ZDBF2: variants seen among roughly 807,000 people sequenced by gnomAD.
ZDBF2 encodes DBF4-type zinc finger-containing protein 2.
In ZDBF2, 6 loss-of-function variants were observed where a neutral mutation model predicts 9.4. That is an observed-to-expected ratio of 0.64 (90% CI 0.35 to 1.27). The LOEUF is 1.27. Ranked by LOEUF, ZDBF2 falls within the 50% of genes most tolerant of loss-of-function variation. The pLI is 0.03. For synonymous variants in ZDBF2, 905 were observed against 946.3 expected, an observed-to-expected ratio of 0.96 and a Z score of 0.80; for missense variants, 2,697 against 2,766.8, an observed-to-expected ratio of 0.97 and a Z score of 0.57.
At chr2:206,275,798 T>G (rs1690967465) in intron 1 of ZDBF2, among the ~76,000 whole-genome samples, 1 of 152,218 alleles carries the variant, frequency 6.6e-6, no homozygotes, top group South Asian at 2.1e-4. Context: ...TTCCTTCCTT[T>G]TTAATTAATA....
chr2:206,304,686 A>G, intron 4 of ZDBF2, 31 bp from the exon 5 acceptor site: 2 of 1,559,868 alleles, frequency 1.3e-6, no homozygotes, highest in Non-Finnish European at 1.7e-6. Flanking sequence ...ACATTAGAAT[A>G]TGTTTATGAG....
rs567843569 is a variant in ZDBF2, at chr2:206,309,219, A to T, written c.4691A>T (p.Asn1564Ile). The T allele has an allele frequency of 6.2e-7, 1 of 1,606,948 alleles. No homozygotes were observed. Among genetic ancestry groups the T allele is most frequent in the African/African-American group, 1.3e-5 (1 of 74,962 alleles). Reference sequence around the variant, plus strand: ...ACTGTCAAAGATATCAGCTGTATAAATACAGAATGTATTGATATAGAAGAT... The same window carrying T: ...ACTGTCAAAGATATCAGCTGTATAATTACAGAATGTATTGATATAGAAGAT... ...QLTVKDISCI[N>I]TECIDIEDKS... The change falls in exon 5 of 5, where the codon AAT becomes ATT. Residue 1564 changes from asparagine (N) to isoleucine (I), a missense_variant. Coordinates refer to ENST00000374423, the MANE Select transcript of ZDBF2 (RefSeq NM_020923.3).
Position 206,306,992 on chromosome 2 carries a change from A to G in ZDBF2, c.2464A>G (p.Asn822Asp). 6.2e-7 allele frequency: 1 copy of G among 1,613,726 alleles called. No homozygotes were observed. The highest frequency in any genetic ancestry group is 8.5e-7 in the Non-Finnish European group (1 of 1,179,756). Reference protein sequence around the residue: ...EETVDLESKSNESCVSEITFD... With the variant: ...EETVDLESKSDESCVSEITFD... ...AACTGTTGATCTGGAAAGTAAAAGT[A>G]ATGAATCTTGTGTCTCTGAAATAAC... Residue 822 changes from asparagine (N) to aspartate (D), a missense_variant, in exon 5 of 5, where the codon AAT (asparagine) becomes GAT (aspartate). This residue lies in a region of ZDBF2 where 910 missense variants were observed against 973.6 expected (regional missense o/e 0.93). Coordinates refer to ENST00000374423, the MANE Select transcript of ZDBF2 (RefSeq NM_020923.3).
chr2:206,309,786 C>T lies in ZDBF2; in HGVS notation c.5258C>T (p.Ala1753Val), dbSNP rs1225580398. The change falls in exon 5 of 5, where the codon GCT (alanine) becomes GTT (valine). Residue 1753 changes from alanine to valine, a missense_variant. Ala to Val is a moderately conservative substitution (Grantham distance 64). This residue lies in a region of ZDBF2 where 1,783 missense variants were observed against 1,776.5 expected (regional missense o/e 1.00). Coordinates refer to ENST00000374423, the MANE Select transcript of ZDBF2 (RefSeq NM_020923.3). ...GGTTTTGAGATGAATTTTCAGTGTG[C>T]TCCCCCTCTTCCATCTGATACTGAT... ...PDGFEMNFQC[A>V]PPLPSDTDQP... is the part of the protein sequence containing the mutation. 6.2e-7 allele frequency: 1 copy of T among 1,613,888 alleles called. No individual in the cohort carries two copies. The highest frequency in any genetic ancestry group is 1.3e-5 in the African/African-American group (1 of 75,026).
chr2:206,300,273 T>C (rs1404996939), intron 4 of ZDBF2, among the ~76,000 whole-genome samples: 2 of 152,216 alleles, frequency 1.3e-5, no homozygotes, highest in African/African-American at 4.8e-5. Flanking sequence ...TCTTAACTCA[T>C]GTCCATTTCT....
chr2:206,310,429 A>G lies in ZDBF2; in HGVS notation c.5901A>G (p.Pro1967=), dbSNP rs1559161708. 1 of 1,614,006 alleles carries G rather than the reference A, an allele frequency of 6.2e-7. No homozygotes were observed. The highest frequency in any genetic ancestry group is 8.5e-7 in the Non-Finnish European group (1 of 1,179,888). ...KRKIIRQEED[P]PKSKCSRLQD... The stretch of plus-strand genomic sequence containing the variant: ...AAATAATTAGACAAGAGGAAGACCC[A>G]CCAAAAAGTAAGTGTTCACGTTTAC... The change falls in exon 5 of 5, where the codon CCA becomes CCG. Residue 1967 remains proline (P), a synonymous_variant. Coordinates refer to ENST00000374423, the MANE Select transcript of ZDBF2 (RefSeq NM_020923.3).
intron 3 of ZDBF2, among the ~76,000 whole-genome samples, chr2:206,289,296 T>C (rs915648712): frequency 2.6e-5 from 4 of 152,182 alleles, no homozygotes; most frequent in African/African-American, 7.2e-5. Flanking sequence ...AGCTTAGGTA[T>C]TGGGGTGTGT....
At position 206,310,171 on chromosome 2, in the gene ZDBF2, G is replaced by C; in HGVS notation, c.5643G>C (p.Leu1881Phe). Residue 1881 changes from leucine to phenylalanine, a missense_variant, in exon 5 of 5, where the codon TTG becomes TTC. By Grantham distance (22) the Leu-to-Phe change is conservative (BLOSUM62 0). Transcript: ENST00000374423. Reference protein sequence around the residue: ...KGKKKVTWADLQGKEDTAPTQ... With the variant: ...KGKKKVTWADFQGKEDTAPTQ... ...AAAAAAAGGTTACCTGGGCTGACTT[G>C]CAAGGTAAGGAGGACACTGCACCAA... is the stretch of plus-strand genomic sequence containing the variant. The C allele has an allele frequency of 6.2e-7, 1 of 1,613,846 alleles. No individual in the cohort carries two copies.
rs1316053708 is a variant in ZDBF2 at position 206,307,799 on chromosome 2, G to A, written c.3271G>A (p.Val1091Ile). The part of the protein sequence containing the change: ...TFDSEQLQEA[V>I]KKIDQWKEEV... ...TGATTCTGAACAACTTCAGGAAGCGGTTAAAAAAATAGACCAATGGAAGGA... is the reference window on the plus strand; with the variant it reads ...TGATTCTGAACAACTTCAGGAAGCGATTAAAAAAATAGACCAATGGAAGGA... Residue 1091 changes from valine (V) to isoleucine (I), a missense_variant, in exon 5 of 5, where the codon GTT becomes ATT. By Grantham distance (29) the Val-to-Ile change is conservative. Transcript: ENST00000374423. 4 of 1,610,008 alleles carry A rather than the reference G, an allele frequency of 2.5e-6. No homozygotes were observed. In the Admixed American group the frequency reaches 5.1e-5, roughly 20 times the overall value.
At chr2:206,283,437 G>T (rs1691433668) in intron 3 of ZDBF2, among the ~76,000 whole-genome samples, 1 of 151,998 alleles carries the variant, frequency 6.6e-6, no homozygotes, top group South Asian at 2.1e-4. Context: ...ATGTGAGATG[G>T]TATCTCATTT....
At position 206,307,779 on chromosome 2, in the gene ZDBF2, C is replaced by G. The variant is rs368710532; in HGVS notation, c.3251C>G (p.Ser1084Cys). The G allele has an allele frequency of 6.2e-7, 1 of 1,610,368 alleles. No individual in the cohort carries two copies. The highest frequency in any genetic ancestry group is 8.5e-7 in the Non-Finnish European group (1 of 1,179,076). Residue 1084 changes from serine (S) to cysteine (C), a missense_variant, in exon 5 of 5, where the codon TCT (serine) becomes TGT (cysteine). Physicochemically the swap from Ser to Cys is moderately radical, Grantham distance 112. Transcript: ENST00000374423. The part of the protein sequence containing the change: ...KSGDSKITFD[S>C]EQLQEAVKKI... The stretch of plus-strand genomic sequence containing the variant: ...GGTGATTCTAAAATAACTTTTGATT[C>G]TGAACAACTTCAGGAAGCGGTTAAA...
At chr2:206,280,360 G>A (rs995246925) in intron 2 of ZDBF2, among the ~76,000 whole-genome samples, 4 of 152,184 alleles carry the variant, frequency 2.6e-5, no homozygotes, top group Non-Finnish European at 4.4e-5. Context: ...TTGTGTGTAT[G>A]TGATATTAGA....
Position 206,313,167 on chromosome 2 carries a change from A to G in ZDBF2, c.*1574A>G, listed in dbSNP as rs1693271500. 2 of 152,324 alleles carry G rather than the reference A, an allele frequency of 1.3e-5. No homozygotes were observed. Among genetic ancestry groups the G allele is most frequent in the East Asian group, 3.9e-4 (2 of 5,192 alleles). The allele number at this position is 152,324 out of a possible 1,614,324, so 9.4% of individuals were successfully genotyped here. ...AACCATATCTTGATTTCAGAATTTA[A>G]AATGTGTTACCTTAGAAATAATGAA... On this transcript the variant is annotated 3_prime_UTR_variant, in exon 5 of 5. Transcript: ENST00000374423.
At chr2:206,300,041 G>A (rs965527634) in intron 4 of ZDBF2, among the ~76,000 whole-genome samples, 4 of 152,066 alleles carry the variant, frequency 2.6e-5, no homozygotes, top group Admixed American at 2.0e-4. Context: ...CCCTGGAGGC[G>A]GAGGTTGCGG....
At chr2:206,289,809 G>C (rs952521957) in intron 3 of ZDBF2, among the ~76,000 whole-genome samples, 5 of 152,106 alleles carry the variant, frequency 3.3e-5, no homozygotes, top group African/African-American at 1.2e-4. Flanking sequence ...TGTTAATGGG[G>C]GTTGGTTGTT....
In ZDBF2 at chr2:206,309,101, G is replaced by C. The variant is rs1288668812; in HGVS notation, c.4573G>C (p.Val1525Leu). ...AGTCAAAGAAACCCACCTTCCAAAGGTGGTACTTGTGGATCTGGTGCCCGG... is the reference window on the plus strand; with the variant it reads ...AGTCAAAGAAACCCACCTTCCAAAGCTGGTACTTGTGGATCTGGTGCCCGG... ...GSVKETHLPK[V>L]VLVDLVPGDS... Residue 1525 changes from valine to leucine, a missense_variant, in exon 5 of 5, where the codon GTG (valine) becomes CTG (leucine). Coordinates refer to ENST00000374423, the MANE Select transcript of ZDBF2 (RefSeq NM_020923.3). The C allele has an allele frequency of 1.2e-6, 2 of 1,613,924 alleles. No individual in the cohort carries two copies. The highest frequency in any genetic ancestry group is 2.2e-5 in the South Asian group (2 of 91,068).
chr2:206,306,674 C>G lies in ZDBF2; in HGVS notation c.2146C>G (p.His716Asp), dbSNP rs779717081. Residue 716 changes from histidine to aspartate, a missense_variant, in exon 5 of 5, where the codon CAT becomes GAT. Transcript: ENST00000374423. ...LSSDSPASLY[H>D]SAHDEPQEAL... ...TTCTGATTCTCCGGCTTCTCTTTAT[C>G]ATTCAGCTCATGATGAGCCTCAAGA... The G allele has an allele frequency of 1.2e-6, 2 of 1,613,814 alleles. No individual in the cohort carries two copies. The highest frequency in any genetic ancestry group is 1.7e-6 in the Non-Finnish European group (2 of 1,179,790).
intron 4 of ZDBF2, among the ~76,000 whole-genome samples, chr2:206,301,461 G>C (rs932923295): frequency 6.6e-6 from 1 of 151,472 alleles, no homozygotes; most frequent in Non-Finnish European, 1.5e-5. Context: ...GTGGTGTGAG[G>C]CAGGACTTCT....
chr2:206,311,220 C>CT lies in ZDBF2; in HGVS notation c.6693dup (p.Val2232CysfsTer6), dbSNP rs1693166558. On this transcript the variant is annotated frameshift_variant, in exon 5 of 5. Transcript: ENST00000374423. LOFTEE classifies it low-confidence loss of function (END_TRUNC). The stretch of plus-strand genomic sequence containing the variant: ...ATTAGAAAGTATATTTCGAAATACT[C>CT]TGTCTTTTTACGTCATAGATATCAG... The CT allele has an allele frequency of 6.2e-7, 1 of 1,611,994 alleles. No individual in the cohort carries two copies. Among genetic ancestry groups the CT allele is most frequent in the Non-Finnish European group, 8.5e-7 (1 of 1,179,164 alleles).
Sources: gnomAD v4.1 joint callset for allele counts (sites outside exome capture counted in the v4.1 genomes callset) on GRCh38, gnomAD v4.1.1 for gene constraint, gnomAD v4.1.1 regional missense constraint, MANE v1.5 for transcripts, NCBI Gene and HGNC (gene_info 2026-07-23, HGNC 2026-07-21) for gene names.